Variants in MACROD2 observed in about 807,000 individuals in gnomAD.
MACROD2 encodes ADP-ribose glycohydrolase MACROD2.
Under a neutral mutation model 70.4 loss-of-function variants are expected in MACROD2, and 36 were observed. The observed-to-expected ratio is 0.51, with a 90% confidence interval of 0.39 to 0.68. The LOEUF (loss-of-function observed/expected upper bound fraction) is 0.68. MACROD2 is among the 30% of genes least tolerant of loss of function. The pLI is 0.00. For missense variants in MACROD2, 496 were observed against 538.4 expected, an observed-to-expected ratio of 0.92 and a Z score of 0.78; for synonymous variants, 172 against 178.8, an observed-to-expected ratio of 0.96 and a Z score of 0.30.
At chr20:15,779,080 T>G (rs1282955933) in intron 8 of MACROD2, among the ~76,000 whole-genome samples, 1 of 151,428 alleles carries the variant, frequency 6.6e-6, no homozygotes, top group East Asian at 2.1e-4. Context: ...CAATGATAAT[T>G]CAATTTAAGC....
At chr20:14,898,498 G>A (rs865874124) in intron 5 of MACROD2, among the ~76,000 whole-genome samples, 2 of 152,156 alleles carry the variant, frequency 1.3e-5, no homozygotes, top group Admixed American at 6.5e-5. Flanking sequence ...GGAGGCCGAG[G>A]CGGGCAGATC....
At chr20:15,013,219 A>G (rs1225391637) in intron 5 of MACROD2, among the ~76,000 whole-genome samples, 2 of 152,132 alleles carry the variant, frequency 1.3e-5, no homozygotes, top group Non-Finnish European at 2.9e-5. Context: ...ACTTAGCTCA[A>G]CGAAGCCCCT....
At chr20:14,639,519 C>T (rs760717999) in intron 4 of MACROD2, among the ~76,000 whole-genome samples, 8 of 152,124 alleles carry the variant, frequency 5.3e-5, no homozygotes, top group Non-Finnish European at 1.0e-4. Flanking sequence ...TCCAATCCAC[C>T]CTGTCTGTGG....
chr20:14,549,405 AAT>A (rs1273139395), intron 4 of MACROD2, among the ~76,000 whole-genome samples: 1 of 152,212 alleles, frequency 6.6e-6, no homozygotes, highest in Non-Finnish European at 1.5e-5. Flanking sequence ...TAAAATTATT[AAT>A]GTGTTTTGTA....
intron 12 of MACROD2, among the ~76,000 whole-genome samples, chr20:15,966,398 C>T (rs1568673061): frequency 6.6e-6 from 1 of 152,104 alleles, no homozygotes; most frequent in Non-Finnish European, 1.5e-5. Context: ...CTATAAGCTC[C>T]ATGAGGGCAG....
chr20:14,552,726 T>C (rs1333229409), intron 4 of MACROD2, among the ~76,000 whole-genome samples: 1 of 152,078 alleles, frequency 6.6e-6, no homozygotes, highest in East Asian at 1.9e-4. Context: ...TGTAGGCAAT[T>C]GTAACAAAAT....
chr20:14,463,579 A>G (rs1000818139), intron 3 of MACROD2, among the ~76,000 whole-genome samples: 8 of 152,044 alleles, frequency 5.3e-5, no homozygotes, highest in African/African-American at 1.9e-4. Context: ...TATGTTGAAT[A>G]GGATGGTGAG....
At chr20:14,877,806 C>T (rs539021017) in intron 5 of MACROD2, among the ~76,000 whole-genome samples, 1 of 152,206 alleles carries the variant, frequency 6.6e-6, no homozygotes, top group East Asian at 1.9e-4. Flanking sequence ...ACCACCCTTT[C>T]CTCCCTGGAA....
intron 3 of MACROD2, among the ~76,000 whole-genome samples, chr20:14,305,318 T>A (rs1218523204): frequency 1.3e-5 from 2 of 152,198 alleles, no homozygotes; most frequent in Non-Finnish European, 2.9e-5. Context: ...TGTTGCTTAT[T>A]CATTTCATGT....
At chr20:14,462,387 T>C (rs1378873853) in intron 3 of MACROD2, among the ~76,000 whole-genome samples, 2 of 152,104 alleles carry the variant, frequency 1.3e-5, no homozygotes, top group Admixed American at 1.3e-4. Context: ...GGTTGTTTGT[T>C]TTTTTCTTGT....
intron 6 of MACROD2, among the ~76,000 whole-genome samples, chr20:15,370,312 A>G (rs2045473862): frequency 1.3e-5 from 2 of 152,086 alleles, no homozygotes; most frequent in Admixed American, 1.3e-4. Flanking sequence ...TCTACTTTTT[A>G]GTTTTGAAAA....
chr20:15,630,854 A>T (rs965858910), intron 8 of MACROD2, among the ~76,000 whole-genome samples: 1 of 152,182 alleles, frequency 6.6e-6, no homozygotes, highest in South Asian at 2.1e-4. Flanking sequence ...CCTCCAACTG[A>T]GTTGGAAGAT....
intron 8 of MACROD2, among the ~76,000 whole-genome samples, chr20:15,646,010 A>G (rs2049535668): frequency 6.6e-6 from 1 of 152,150 alleles, no homozygotes; most frequent in Non-Finnish European, 1.5e-5. Flanking sequence ...ATTCTCTTGT[A>G]GTCAACATTT....
chr20:15,890,477 C>T (rs1040562228), intron 10 of MACROD2, among the ~76,000 whole-genome samples: 1 of 152,122 alleles, frequency 6.6e-6, no homozygotes, highest in Non-Finnish European at 1.5e-5. Context: ...CCCTTTGAGC[C>T]CAGTATTTGC....
At chr20:15,684,867 C>T (rs949613838) in intron 8 of MACROD2, among the ~76,000 whole-genome samples, 3 of 152,004 alleles carry the variant, frequency 2.0e-5, no homozygotes, top group African/African-American at 4.8e-5. Flanking sequence ...CCATACATAG[C>T]GTTATTATTT....
intron 3 of MACROD2, among the ~76,000 whole-genome samples, chr20:14,291,940 G>C (rs943434577): frequency 6.6e-6 from 1 of 151,932 alleles, no homozygotes; most frequent in Non-Finnish European, 1.5e-5. Context: ...AGAGAGTCCT[G>C]TAAGACAGTG....
intron 6 of MACROD2, among the ~76,000 whole-genome samples, chr20:15,287,269 T>G (rs1465563958): frequency 6.6e-6 from 1 of 152,206 alleles, no homozygotes; most frequent in East Asian, 1.9e-4. Context: ...TGTATACATG[T>G]GCTTTGTCAA....
At chr20:14,764,880 G>A (rs80016821) in intron 5 of MACROD2, among the ~76,000 whole-genome samples, 20 of 152,006 alleles carry the variant, frequency 1.3e-4, no homozygotes, top group African/African-American at 4.8e-4. Context: ...GGGGGATCAG[G>A]ATGGATGGAA....
chr20:15,191,460 G>T (rs916491971), intron 5 of MACROD2, among the ~76,000 whole-genome samples: 1 of 152,032 alleles, frequency 6.6e-6, no homozygotes, highest in African/African-American at 2.4e-5. Flanking sequence ...TGGGCCAAAG[G>T]GTGTGGCGTG....
Sources: gnomAD v4.1 joint callset for allele counts (sites outside exome capture counted in the v4.1 genomes callset) on GRCh38, gnomAD v4.1.1 for gene constraint, MANE v1.5 for transcripts, NCBI Gene and HGNC (gene_info 2026-07-23, HGNC 2026-07-21) for gene names.